ZDHHC17: variants seen among roughly 807,000 people sequenced by gnomAD.
The protein encoded by ZDHHC17 is zDHHC palmitoyltransferase 17, also known as palmitoyltransferase ZDHHC17.
ZDHHC17 carries 40 observed loss-of-function variants against 90.3 expected under a neutral mutation model. That is an observed-to-expected ratio of 0.44 (90% CI 0.34 to 0.58). The LOEUF (loss-of-function observed/expected upper bound fraction) is 0.58. ZDHHC17 is among the 20% of genes least tolerant of loss of function. ZDHHC17 has a pLI of 0.01. For missense variants in ZDHHC17, 614 were observed against 780.8 expected, an observed-to-expected ratio of 0.79 and a Z score of 2.55; for synonymous variants, 235 against 252.4, an observed-to-expected ratio of 0.93 and a Z score of 0.65.
chr12:76,828,951 C>A (rs1177884810), intron 10 of ZDHHC17, among the ~76,000 whole-genome samples: 1 of 152,134 alleles, frequency 6.6e-6, no homozygotes, highest in African/African-American at 2.4e-5. Context: ...CAAGGACATA[C>A]AAGTGGCCAA....
At chr12:76,802,769 C>T (rs1235594371) in intron 2 of ZDHHC17, among the ~76,000 whole-genome samples, 1 of 152,168 alleles carries the variant, frequency 6.6e-6, no homozygotes, top group Non-Finnish European at 1.5e-5. Flanking sequence ...CGTTTTAGTT[C>T]TAGAATTTCT....
At chr12:76,822,048 T>C (rs1296133029) in intron 7 of ZDHHC17, among the ~76,000 whole-genome samples, 1 of 152,188 alleles carries the variant, frequency 6.6e-6, no homozygotes, top group African/African-American at 2.4e-5. Flanking sequence ...GCAAGGTGTT[T>C]TGTAGCAATA....
At chr12:76,791,843 A>G (rs191684042) in intron 1 of ZDHHC17, among the ~76,000 whole-genome samples, 20 of 152,320 alleles carry the variant, frequency 1.3e-4, no homozygotes, top group African/African-American at 4.6e-4. Flanking sequence ...AGTTGCTCAC[A>G]GAACACAGGG....
In ZDHHC17 at chr12:76,845,752, G is replaced by A. The variant is rs886756608; in HGVS notation, c.1373G>A (p.Arg458His). ...VRSKHCGVCN[R>H]CIAKFDHHCP... ...TCCAAACATTGTGGTGTGTGCAACC[G>A]CTGTATAGCAAAATTTGATCATCAT... is the stretch of plus-strand genomic sequence containing the variant. The change falls in exon 13 of 17, where the codon CGC (arginine) becomes CAC (histidine). Residue 458 changes from arginine (R) to histidine (H), a missense_variant. Physicochemically the swap from Arg to His is conservative, Grantham distance 29. Coordinates refer to ENST00000426126, the MANE Select transcript of ZDHHC17 (RefSeq NM_015336.4). 5.0e-6 allele frequency: 8 copies of A among 1,611,650 alleles called. No individual in the cohort carries two copies. The highest frequency in any genetic ancestry group is 1.1e-5 in the South Asian group (1 of 90,950).
intron 1 of ZDHHC17, among the ~76,000 whole-genome samples, chr12:76,782,510 G>T (rs1479636159): frequency 6.6e-6 from 1 of 152,138 alleles, no homozygotes; most frequent in Non-Finnish European, 1.5e-5. Flanking sequence ...TTTCCTTTGG[G>T]CCAGGCAAAC....
chr12:76,831,079 A>C (rs913268837), intron 10 of ZDHHC17, among the ~76,000 whole-genome samples: 2 of 149,890 alleles, frequency 1.3e-5, no homozygotes, highest in African/African-American at 4.8e-5. Flanking sequence ...AATAAGTTGC[A>C]TGTAAATTTT....
chr12:76,822,177 C>T (rs746071874), intron 7 of ZDHHC17, among the ~76,000 whole-genome samples: 1 of 152,126 alleles, frequency 6.6e-6, no homozygotes, highest in Non-Finnish European at 1.5e-5. Flanking sequence ...TGTCAAAATA[C>T]AGGCAAAAAT....
At chr12:76,819,993 TA>T (rs71085459) in intron 7 of ZDHHC17, among the ~76,000 whole-genome samples, 4,030 of 140,736 alleles carry the variant, frequency 0.029, 83 homozygotes, top group African/African-American at 0.045. Context: ...AACTATGTCT[TA>T]AAAAAAAAAA....
intron 8 of ZDHHC17, among the ~76,000 whole-genome samples, chr12:76,824,673 G>A (rs1014977928): frequency 2.0e-5 from 3 of 151,632 alleles, no homozygotes; most frequent in African/African-American, 7.3e-5. Flanking sequence ...AATACTGCTG[G>A]TAGACAGATA....
At chr12:76,833,766 C>G (rs1176145652) in intron 10 of ZDHHC17, among the ~76,000 whole-genome samples, 2 of 152,116 alleles carry the variant, frequency 1.3e-5, no homozygotes, top group African/African-American at 4.8e-5. Flanking sequence ...GCACTCCAGC[C>G]TGGGCAACAG....
At chr12:76,805,095 T>C (rs1952939890) in intron 2 of ZDHHC17, among the ~76,000 whole-genome samples, 1 of 152,190 alleles carries the variant, frequency 6.6e-6, no homozygotes, top group Non-Finnish European at 1.5e-5. Context: ...TTCTTTCATA[T>C]AGTGAGATTT....
intron 1 of ZDHHC17, among the ~76,000 whole-genome samples, chr12:76,789,631 C>T (rs1198996085): frequency 1.3e-5 from 2 of 151,288 alleles, no homozygotes; most frequent in Non-Finnish European, 2.9e-5. Context: ...GGTGTGAGTA[C>T]TATGATTATA....
At position 76,814,913 on chromosome 12, in the gene ZDHHC17, G is replaced by C. The variant is rs577131224; in HGVS notation, c.544-233G>C. On this transcript the variant is annotated intron_variant, in intron 5 of 16. Transcript: ENST00000426126. ...AATTTTAAATGTGAAACATTGAAAGGCTGATTAAAACATCTTAAAAGGGAA... is the reference window on the plus strand; with the variant it reads ...AATTTTAAATGTGAAACATTGAAAGCCTGATTAAAACATCTTAAAAGGGAA... Among the ~76,000 whole-genome samples, 213 of 152,060 alleles carry C rather than the reference G, an allele frequency of 1.4e-3. 1 individual carries two copies. Among genetic ancestry groups the C allele is most frequent in the African/African-American group, 4.9e-3 (202 of 41,548 alleles).
In ZDHHC17 at chr12:76,850,955, A is replaced by G. The variant is rs1224520154; in HGVS notation, c.1869A>G (p.Gln623=). The change falls in exon 17 of 17, where the codon CAA becomes CAG. Residue 623 remains glutamine, a synonymous_variant. Coordinates refer to ENST00000426126, the MANE Select transcript of ZDHHC17 (RefSeq NM_015336.4). The stretch of plus-strand genomic sequence containing the variant: ...GGCAGTATACAATAGAATATGACCA[A>G]ATATCAGGATCTGGGTACCAGCTGG... The part of the protein sequence containing the change: ...WTRQYTIEYD[Q]ISGSGYQLV 1 of 1,613,936 alleles carries G rather than the reference A, an allele frequency of 6.2e-7. No homozygotes were observed. The highest frequency in any genetic ancestry group is 1.7e-5 in the Admixed American group (1 of 60,012).
At chr12:76,832,026 T>G (rs1449489748) in intron 10 of ZDHHC17, among the ~76,000 whole-genome samples, 1 of 152,212 alleles carries the variant, frequency 6.6e-6, no homozygotes, top group Non-Finnish European at 1.5e-5. Flanking sequence ...TAAATCCCAA[T>G]TATGCGAGGA....
intron 1 of ZDHHC17, among the ~76,000 whole-genome samples, chr12:76,769,671 C>CTATATATTTTAATACTA (rs1439066912): frequency 5.3e-5 from 8 of 151,938 alleles, no homozygotes; most frequent in Non-Finnish European, 1.2e-4. Flanking sequence ...TTTTAAAATA[C>CTATATATTTTAATACTA]TATATATTAA....
intron 1 of ZDHHC17, among the ~76,000 whole-genome samples, chr12:76,795,429 T>C (rs1350255634): frequency 6.6e-6 from 1 of 152,170 alleles, no homozygotes; most frequent in Non-Finnish European, 1.5e-5. Context: ...ACATGTTTTG[T>C]TGGGTATATT....
At chr12:76,764,578 T>C in intron 1 of ZDHHC17, 1 of 559,890 alleles carries the variant, frequency 1.8e-6, no homozygotes, top group Non-Finnish European at 3.2e-6. Context: ...GAGGTGGAGG[T>C]GTTGATGGTT....
chr12:76,849,450 G>C lies in ZDHHC17; in HGVS notation c.1740G>C (p.Thr580=). The C allele has an allele frequency of 6.5e-7, 1 of 1,547,500 alleles. No individual in the cohort carries two copies. Among genetic ancestry groups the C allele is most frequent in the South Asian group, 1.2e-5 (1 of 81,758 alleles). The change falls in exon 16 of 17, where the codon ACG becomes ACC. Residue 580 remains threonine (T), a synonymous_variant. Coordinates refer to ENST00000426126, the MANE Select transcript of ZDHHC17 (RefSeq NM_015336.4). ...RRYKHFKVTT[T]SIESPFNHGC... The stretch of plus-strand genomic sequence containing the variant: ...ACAAGCACTTTAAAGTCACAACAAC[G>C]TCTATTGAAAGCCCATTCAAGTATG...
Sources: allele counts gnomAD v4.1 joint callset (sites outside exome capture counted in the v4.1 genomes callset), GRCh38; gene constraint gnomAD v4.1.1; transcripts MANE v1.5; gene names NCBI Gene and HGNC (gene_info 2026-07-23, HGNC 2026-07-21).